The following DAPK1 variants were observed in gnomAD, a reference collection of about 807,000 sequenced individuals.
DAPK1 encodes death-associated protein kinase 1.
DAPK1 carries 56 observed loss-of-function variants against 144.9 expected under a neutral mutation model. The observed-to-expected ratio is 0.39, with a 90% confidence interval of 0.31 to 0.48. The LOEUF (loss-of-function observed/expected upper bound fraction) is 0.48. DAPK1 is among the 20% of genes least tolerant of loss of function. The probability of loss-of-function intolerance (pLI) is 0.95; values close to 1 mark genes in which losing one functional copy is unlikely to be tolerated. For synonymous variants in DAPK1, 690 were observed against 749.0 expected, an observed-to-expected ratio of 0.92 and a Z score of 1.29; for missense variants, 1,454 against 1,875.4, an observed-to-expected ratio of 0.78 and a Z score of 4.15.
intron 2 of DAPK1, among the ~76,000 whole-genome samples, chr9:87,597,415 A>G (rs994907791): frequency 2.0e-5 from 3 of 152,252 alleles, no homozygotes; most frequent in Admixed American, 6.5e-5. Context: ...ATGGGGGGGA[A>G]AATGTAGAGA....
chr9:87,657,167 A>G (rs945930413), intron 17 of DAPK1, among the ~76,000 whole-genome samples: 10 of 152,230 alleles, frequency 6.6e-5, no homozygotes, highest in Non-Finnish European at 4.4e-5. Context: ...TGAGTGGTTC[A>G]GTCCAAACAA....
At chr9:87,594,574 T>G (rs1828249805) in intron 2 of DAPK1, among the ~76,000 whole-genome samples, 1 of 152,230 alleles carries the variant, frequency 6.6e-6, no homozygotes, top group Admixed American at 6.5e-5. Flanking sequence ...GACTCTGCTC[T>G]AAGGAGTCTG....
At chr9:87,638,578 A>G (rs974736951) in intron 4 of DAPK1, among the ~76,000 whole-genome samples, 3 of 152,224 alleles carry the variant, frequency 2.0e-5, no homozygotes, top group Admixed American at 1.3e-4. Context: ...CCTCCCAGCC[A>G]TGACAGAGGT....
intron 2 of DAPK1, among the ~76,000 whole-genome samples, chr9:87,581,012 A>G (rs1827736103): frequency 6.6e-6 from 1 of 152,218 alleles, no homozygotes. Flanking sequence ...ACTCAGCTAC[A>G]GAGTTAGCAG....
intron 2 of DAPK1, among the ~76,000 whole-genome samples, chr9:87,540,565 A>G (rs1826013029): frequency 6.6e-6 from 1 of 152,234 alleles, no homozygotes; most frequent in Non-Finnish European, 1.5e-5. Context: ...GAAGAAACGT[A>G]GTAGATACAG....
intron 2 of DAPK1, among the ~76,000 whole-genome samples, chr9:87,514,065 G>T (rs897578772): frequency 2.0e-5 from 3 of 152,138 alleles, no homozygotes; most frequent in Non-Finnish European, 4.4e-5. Flanking sequence ...GTGTGAGGGG[G>T]CGCAAAATTC....
intron 17 of DAPK1, among the ~76,000 whole-genome samples, chr9:87,656,224 G>A (rs988575702): frequency 6.6e-6 from 1 of 152,160 alleles, no homozygotes; most frequent in Non-Finnish European, 1.5e-5. Context: ...GACACACGGC[G>A]GGTGTTGGGT....
intron 3 of DAPK1, chr9:87,632,549 T>G (rs1375366403): frequency 2.1e-6 from 2 of 973,410 alleles, no homozygotes; most frequent in African/African-American, 1.8e-5. Context: ...AGTATACATG[T>G]AGGGATGAAG....
intron 22 of DAPK1, 82 bp downstream of exon 22, chr9:87,697,286 C>A: frequency 1.4e-6 from 1 of 714,774 alleles, no homozygotes; most frequent in Non-Finnish European, 2.6e-6. Flanking sequence ...TTCTGCCCTG[C>A]TCCTGCCACT....
At chr9:87,644,624 T>C (rs1830207116) in intron 11 of DAPK1, among the ~76,000 whole-genome samples, 1 of 152,076 alleles carries the variant, frequency 6.6e-6, no homozygotes, top group Non-Finnish European at 1.5e-5. Context: ...AGAGGGTGGC[T>C]GCACAACCAG....
chr9:87,652,131 A>T (rs1413344343), intron 17 of DAPK1, among the ~76,000 whole-genome samples: 12 of 79,864 alleles, frequency 1.5e-4, no homozygotes, highest in African/African-American at 3.0e-4. Context: ...TTCTGTGTCC[A>T]TTCCCCCGAT....
At position 87,650,165 on chromosome 9, in the gene DAPK1, G is replaced by T. The variant is rs764369402; in HGVS notation, c.1626+47G>T. 1.5e-5 allele frequency: 24 copies of T among 1,597,832 alleles called. No individual in the cohort carries two copies. In the African/African-American group the frequency reaches 2.8e-4, roughly 19 times the overall value. On this transcript the variant is annotated intron_variant, in intron 16 of 25. Transcript: ENST00000408954. ...ATATGCACTGGGAAGTGATCTAGGGGTCTAGAGGGACCACAAGACTCCTCA... is the reference window on the plus strand; with the variant it reads ...ATATGCACTGGGAAGTGATCTAGGGTTCTAGAGGGACCACAAGACTCCTCA...
chr9:87,604,627 TG>T (rs1432315600), intron 2 of DAPK1, among the ~76,000 whole-genome samples: 3 of 152,130 alleles, frequency 2.0e-5, no homozygotes, highest in African/African-American at 7.2e-5. Context: ...AAGAGTTTGC[TG>T]GAAGTGAGGT....
At chr9:87,644,135 C>T (rs1015637036) in intron 11 of DAPK1, among the ~76,000 whole-genome samples, 1 of 152,198 alleles carries the variant, frequency 6.6e-6, no homozygotes, top group African/African-American at 2.4e-5. Flanking sequence ...ATTTGTTGTT[C>T]GGTACTCTCT....
At chr9:87,631,050 G>A (rs917231421) in intron 3 of DAPK1, among the ~76,000 whole-genome samples, 1 of 152,150 alleles carries the variant, frequency 6.6e-6, no homozygotes, top group African/African-American at 2.4e-5. Flanking sequence ...CAGAATTGGA[G>A]CTGGCGCCTC....
intron 25 of DAPK1, among the ~76,000 whole-genome samples, chr9:87,704,433 GGCA>G (rs1057328645): frequency 1.9e-4 from 29 of 152,300 alleles, no homozygotes; most frequent in African/African-American, 7.0e-4. Context: ...AGGGTAATTA[GGCA>G]GCAGGAACTA....
At chr9:87,567,893 C>A (rs1284066024) in intron 2 of DAPK1, among the ~76,000 whole-genome samples, 1 of 152,172 alleles carries the variant, frequency 6.6e-6, no homozygotes, top group Non-Finnish European at 1.5e-5. Context: ...CAAATGCTTT[C>A]GTGTTCACTT....
chr9:87,602,561 A>T (rs928871581), intron 2 of DAPK1, among the ~76,000 whole-genome samples: 10 of 152,202 alleles, frequency 6.6e-5, no homozygotes, highest in African/African-American at 2.4e-4. Flanking sequence ...CGCACGTGGA[A>T]CAGTTTTTGT....
intron 18 of DAPK1, among the ~76,000 whole-genome samples, chr9:87,660,637 C>CGA (rs1830811283): frequency 6.6e-6 from 1 of 152,002 alleles, no homozygotes; most frequent in African/African-American, 2.4e-5. Flanking sequence ...CGCTTCCCTC[C>CGA]CCTTCACCCC....
Sources: gnomAD v4.1 joint callset for allele counts (sites outside exome capture counted in the v4.1 genomes callset) on GRCh38, gnomAD v4.1.1 for gene constraint, MANE v1.5 for transcripts, NCBI Gene and HGNC (gene_info 2026-07-23, HGNC 2026-07-21) for gene names.